The following OPCML variants were observed in gnomAD, a reference collection of about 807,000 sequenced individuals.
The protein encoded by OPCML is opioid binding protein/cell adhesion molecule like.
Under a neutral mutation model 37.8 loss-of-function variants are expected in OPCML, and 13 were observed. The observed-to-expected ratio is 0.34, with a 90% confidence interval of 0.22 to 0.55. The LOEUF (loss-of-function observed/expected upper bound fraction) is 0.55. Ranked by LOEUF, OPCML falls within the 20% of genes least tolerant of loss-of-function variation. The pLI is 0.91. For synonymous variants in OPCML, 176 were observed against 168.8 expected (o/e 1.04, Z -0.33); for missense variants, 341 against 435.6 (o/e 0.78, Z 1.93).
intron 1 of OPCML, among the ~76,000 whole-genome samples, chr11:133,315,070 T>C (rs1021357367): frequency 6.6e-6 from 1 of 152,076 alleles, no homozygotes; most frequent in Non-Finnish European, 1.5e-5. Context: ...TAAGGTAAAA[T>C]GAGGAGGTTT....
At chr11:132,565,720 C>T (rs984822434) in intron 3 of OPCML, among the ~76,000 whole-genome samples, 1 of 152,188 alleles carries the variant, frequency 6.6e-6, no homozygotes, top group Non-Finnish European at 1.5e-5. Context: ...ATTACCTAGA[C>T]CTGTTTAGCA....
intron 1 of OPCML, among the ~76,000 whole-genome samples, chr11:133,513,271 G>A (rs548703602): frequency 2.8e-4 from 42 of 152,254 alleles, no homozygotes; most frequent in African/African-American, 8.7e-4. Flanking sequence ...AGCCCCATTC[G>A]TAATTTTTCT....
intron 1 of OPCML, among the ~76,000 whole-genome samples, chr11:133,483,291 C>T (rs1947417919): frequency 7.3e-6 from 1 of 136,740 alleles, no homozygotes; most frequent in Non-Finnish European, 1.5e-5. Flanking sequence ...TGGAAATGCG[C>T]ACTAGAGCTG....
At position 132,529,184 on chromosome 11, in the gene OPCML, G is replaced by A; in HGVS notation, c.382C>T (p.Pro128Ser). 6.2e-7 allele frequency: 1 copy of A among 1,607,828 alleles called. No homozygotes were observed. The highest frequency in any genetic ancestry group is 8.5e-7 in the Non-Finnish European group (1 of 1,176,662). The change falls in exon 4 of 8, where the codon CCT (proline) becomes TCT (serine). Residue 128 changes from proline to serine, a missense_variant and splice_region_variant. Coordinates refer to ENST00000524381, the MANE Select transcript of OPCML (RefSeq NM_001012393.5). ...TSRVHLIVQV[P>S]PQIMNISSDI... ...GAGGAGATATTCATGATCTGAGGAG[G>A]AACTGTAAGGAAACAGGATAGAAGA...
At chr11:132,557,059 A>G (rs1016518217) in intron 3 of OPCML, among the ~76,000 whole-genome samples, 1 of 152,248 alleles carries the variant, frequency 6.6e-6, no homozygotes, top group South Asian at 2.1e-4. Flanking sequence ...GGATATTACA[A>G]GAAAAAAATC....
At chr11:132,725,728 C>T (rs962315840) in intron 2 of OPCML, among the ~76,000 whole-genome samples, 9 of 151,082 alleles carry the variant, frequency 6.0e-5, no homozygotes, top group Non-Finnish European at 1.2e-4. Flanking sequence ...CCAGAGTGAG[C>T]CGAGATCACG....
At chr11:132,503,811 A>G (rs1156677307) in intron 4 of OPCML, among the ~76,000 whole-genome samples, 2 of 152,136 alleles carry the variant, frequency 1.3e-5, no homozygotes, top group Non-Finnish European at 2.9e-5. Context: ...CATAAAGAAA[A>G]AGAAGAAAAA....
intron 1 of OPCML, among the ~76,000 whole-genome samples, chr11:132,986,190 TCTAA>T (rs1946679328): frequency 6.6e-6 from 1 of 152,166 alleles, no homozygotes; most frequent in South Asian, 2.1e-4. Context: ...CCTTGAAAAT[TCTAA>T]CTAAGCCATT....
intron 4 of OPCML, among the ~76,000 whole-genome samples, chr11:132,475,252 T>C (rs374022934): frequency 6.6e-6 from 1 of 152,218 alleles, no homozygotes; most frequent in Non-Finnish European, 1.5e-5. Flanking sequence ...TCTTCTCCTA[T>C]TGCATTTTTC....
intron 2 of OPCML, among the ~76,000 whole-genome samples, chr11:132,780,755 G>A (rs541118227): frequency 6.6e-6 from 1 of 152,234 alleles, no homozygotes; most frequent in Admixed American, 6.5e-5. Flanking sequence ...TGGCAAGTAG[G>A]GGAGGGGCTG....
intron 2 of OPCML, among the ~76,000 whole-genome samples, chr11:132,866,072 A>C (rs1213338413): frequency 6.9e-6 from 1 of 145,588 alleles, no homozygotes; most frequent in Non-Finnish European, 1.5e-5. Flanking sequence ...TCTCCTCAGG[A>C]AAAAAAAAAA....
rs1224380868 is a variant in OPCML at position 132,415,445 on chromosome 11, C to T, written c.*4748G>A. On this transcript the variant is annotated 3_prime_UTR_variant, in exon 8 of 8. Coordinates refer to ENST00000524381, the MANE Select transcript of OPCML (RefSeq NM_001012393.5). ...AAATTTCCGAACGATTAAAAATGCT[C>T]CCTTTAACTAACACAAGGGCAGCTT... is the stretch of plus-strand genomic sequence containing the variant. The T allele has an allele frequency of 6.6e-6, 1 of 152,142 alleles. No homozygotes were observed. The highest frequency in any genetic ancestry group is 1.5e-5 in the Non-Finnish European group (1 of 68,036). The allele number at this position is 152,142 out of a possible 1,614,324, so 9.4% of individuals were successfully genotyped here.
At chr11:132,869,118 A>G (rs372688215) in intron 2 of OPCML, among the ~76,000 whole-genome samples, 1 of 152,322 alleles carries the variant, frequency 6.6e-6, no homozygotes, top group African/African-American at 2.4e-5. Flanking sequence ...GGCTGAGAAT[A>G]GAAGCCAAGA....
At chr11:133,143,784 A>C (rs1046559640) in intron 1 of OPCML, among the ~76,000 whole-genome samples, 4 of 152,238 alleles carry the variant, frequency 2.6e-5, no homozygotes, top group South Asian at 2.1e-4. Context: ...GTGCCTACTT[A>C]TCTTTCTAGG....
chr11:132,526,782 T>A (rs527599593), intron 4 of OPCML, among the ~76,000 whole-genome samples: 2 of 152,308 alleles, frequency 1.3e-5, no homozygotes, highest in East Asian at 3.9e-4. Flanking sequence ...CACTTTTTTT[T>A]ACAGTTTTAT....
intron 1 of OPCML, among the ~76,000 whole-genome samples, chr11:133,245,223 A>G (rs1455638881): frequency 6.6e-6 from 1 of 152,232 alleles, no homozygotes; most frequent in Admixed American, 6.5e-5. Flanking sequence ...CACCTGCACT[A>G]CAGGGGTCGT....
chr11:133,189,988 C>T (rs960488753), intron 1 of OPCML, among the ~76,000 whole-genome samples: 4 of 152,316 alleles, frequency 2.6e-5, no homozygotes, highest in Non-Finnish European at 4.4e-5. Context: ...GACCTGGTTA[C>T]GTTTTCACCA....
intron 2 of OPCML, among the ~76,000 whole-genome samples, chr11:132,824,088 C>T (rs1591658614): frequency 6.6e-6 from 1 of 152,156 alleles, no homozygotes; most frequent in Non-Finnish European, 1.5e-5. Flanking sequence ...ATGCTGCAGC[C>T]TTTCCAGTTT....
intron 2 of OPCML, among the ~76,000 whole-genome samples, chr11:132,815,708 G>A (rs1272720106): frequency 6.6e-6 from 1 of 152,106 alleles, no homozygotes; most frequent in Non-Finnish European, 1.5e-5. Flanking sequence ...GGAGGACATG[G>A]GGTTGAGATG....
Sources: gnomAD v4.1 joint callset for allele counts (sites outside exome capture counted in the v4.1 genomes callset) on GRCh38, gnomAD v4.1.1 for gene constraint, MANE v1.5 for transcripts, NCBI Gene and HGNC (gene_info 2026-07-23, HGNC 2026-07-21) for gene names.